LARS1: variants seen among roughly 807,000 people sequenced by gnomAD.
The protein encoded by LARS1 is leucyl-tRNA synthetase 1, also known as leucine--tRNA ligase, cytoplasmic.
Under a neutral mutation model 162.8 loss-of-function variants are expected in LARS1, and 100 were observed. The ratio of observed to expected loss-of-function variants is 0.61; its 90% confidence interval spans 0.52 to 0.73. LARS1 has a LOEUF of 0.73. Ranked by LOEUF, LARS1 falls within the 30% of genes least tolerant of loss-of-function variation. The pLI, the probability that LARS1 is intolerant of heterozygous loss-of-function variation, is 0.00. For missense variants in LARS1, 1,258 were observed against 1,408.9 expected, an observed-to-expected ratio of 0.89 and a Z score of 1.71; for synonymous variants, 457 against 462.8, an observed-to-expected ratio of 0.99 and a Z score of 0.16.
rs1358118954 is a variant in LARS1, at chr5:146,154,021, A to C, written c.1066-41T>G. ...ATCAATATAAAAGGTGAAGTAATTCATTGTGACCATTAGAATTAAAACTAT... is the reference window on the plus strand; with the variant it reads ...ATCAATATAAAAGGTGAAGTAATTCCTTGTGACCATTAGAATTAAAACTAT... On this transcript the variant is annotated intron_variant, in intron 10 of 31. Transcript: ENST00000394434. 6 of 1,327,926 alleles carry C rather than the reference A, an allele frequency of 4.5e-6. No individual in the cohort carries two copies. The Admixed American group carries it at 6.1e-5, about 14-fold the overall frequency. The allele number at this position is 1,327,926 out of a possible 1,614,324, so 82.3% of individuals were successfully genotyped here. A position where few individuals can be genotyped will look rare whatever the true frequency, so the allele number is the denominator to read the frequency against.
At chr5:146,130,204 A>G (rs1299629123) in intron 24 of LARS1, 46 bp from the exon 25 acceptor site, 2 of 1,578,912 alleles carry the variant, frequency 1.3e-6, no homozygotes, top group Admixed American at 3.7e-5. Flanking sequence ...CTTCTTTAAA[A>G]TAAAAATAAA....
intron 22 of LARS1, among the ~76,000 whole-genome samples, chr5:146,133,987 G>A (rs11167934): frequency 0.22 from 33,837 of 152,036 alleles, 4,819 homozygotes; most frequent in Admixed American, 0.34. Flanking sequence ...TGGGATTACA[G>A]GCATGCGCCA....
intron 22 of LARS1, among the ~76,000 whole-genome samples, chr5:146,133,555 A>C (rs566754321): frequency 3.5e-4 from 53 of 152,270 alleles, no homozygotes; most frequent in African/African-American, 1.3e-3. Context: ...CAAGTTTATC[A>C]CTAATAAAAC....
intron 17 of LARS1, 54 bp from the exon 18 acceptor site, chr5:146,144,403 C>A: frequency 5.0e-6 from 8 of 1,594,858 alleles, no homozygotes; most frequent in Non-Finnish European, 6.0e-6. Flanking sequence ...TTTTTTGTTG[C>A]ATTTCAACTT....
intron 21 of LARS1, chr5:146,139,116 G>A (rs180787209): frequency 1.3e-3 from 304 of 231,640 alleles, no homozygotes; most frequent in African/African-American, 6.6e-3. Flanking sequence ...GCTGAGGCAG[G>A]CGATCACTTG....
At chr5:146,133,472 A>C (rs1471692963) in intron 22 of LARS1, among the ~76,000 whole-genome samples, 1 of 152,208 alleles carries the variant, frequency 6.6e-6, no homozygotes, top group Admixed American at 6.5e-5. Flanking sequence ...ATTTTAATAC[A>C]TGAGAATACA....
At chr5:146,114,980 G>A (rs1764135200) in intron 31 of LARS1, among the ~76,000 whole-genome samples, 1 of 149,886 alleles carries the variant, frequency 6.7e-6, no homozygotes, top group Non-Finnish European at 1.5e-5. Context: ...GGAGACAGAG[G>A]TTGCGGTGAG....
Position 146,128,779 on chromosome 5 carries a change from T to G in LARS1, c.2773A>C (p.Thr925Pro). Residue 925 changes from threonine to proline, a missense_variant, in exon 27 of 32, where the codon ACT becomes CCT. Thr to Pro is a conservative substitution (Grantham distance 38). Coordinates refer to ENST00000394434, the MANE Select transcript of LARS1 (RefSeq NM_020117.11). ...NYMMPAKGKK[T>P]DKQPLQKPSH... ...GGCTTCTGCAGGGGTTGTTTGTCAGTCTTCTAGACGGTAAAAGAAAGGAAA... is the reference window on the plus strand; with the variant it reads ...GGCTTCTGCAGGGGTTGTTTGTCAGGCTTCTAGACGGTAAAAGAAAGGAAA... 6.3e-7 allele frequency: 1 copy of G among 1,596,882 alleles called. No homozygotes were observed. Among genetic ancestry groups the G allele is most frequent in the Non-Finnish European group, 8.5e-7 (1 of 1,174,936 alleles).
At chr5:146,168,651 C>T (rs1754127291) in intron 4 of LARS1, among the ~76,000 whole-genome samples, 1 of 151,970 alleles carries the variant, frequency 6.6e-6, no homozygotes, top group Non-Finnish European at 1.5e-5. Flanking sequence ...CATCACTGCA[C>T]TCTAGCCTGG....
At chr5:146,154,638 C>T (rs774361312) in intron 10 of LARS1, among the ~76,000 whole-genome samples, 6 of 151,686 alleles carry the variant, frequency 4.0e-5, no homozygotes, top group South Asian at 2.1e-4. Context: ...ATTAGCCAGG[C>T]GTGGTGGCAT....
intron 2 of LARS1, among the ~76,000 whole-genome samples, chr5:146,176,301 A>G (rs558434787): frequency 2.4e-4 from 36 of 151,914 alleles, no homozygotes; most frequent in African/African-American, 8.4e-4. Flanking sequence ...AAAATACAAA[A>G]ATTAGCTGGG....
At chr5:146,141,843 G>A (rs565347829) in intron 20 of LARS1, among the ~76,000 whole-genome samples, 2 of 151,448 alleles carry the variant, frequency 1.3e-5, no homozygotes, top group Non-Finnish European at 2.9e-5. Flanking sequence ...ATGACAAGTA[G>A]TGTAAGAACC....
rs779799014 is a variant in LARS1 at position 146,128,755 on chromosome 5, G to C, written c.2797C>G (p.Pro933Ala). Residue 933 changes from proline to alanine, a missense_variant, in exon 27 of 32, where the codon CCC becomes GCC. Physicochemically the swap from Pro to Ala is conservative, Grantham distance 27 (BLOSUM62 -1). Transcript: ENST00000394434. ...GCCACATAGATGGTGCAATGTGAGG[G>C]CTTCTGCAGGGGTTGTTTGTCAGTC... ...KKTDKQPLQK[P>A]SHCTIYVAKN... The C allele has an allele frequency of 5.0e-6, 8 of 1,603,094 alleles. No individual in the cohort carries two copies. Among genetic ancestry groups the C allele is most frequent in the Non-Finnish European group, 6.8e-6 (8 of 1,177,128 alleles).
Position 146,127,424 on chromosome 5 carries a change from T to G in LARS1, c.2881-879A>C, listed in dbSNP as rs1191692132. ...TATAAATGAACATTCTTTTCATTCCTGTGGATGAAAACATACAAAAATCTA... is the reference window on the plus strand; with the variant it reads ...TATAAATGAACATTCTTTTCATTCCGGTGGATGAAAACATACAAAAATCTA... On this transcript the variant is annotated intron_variant, in intron 27 of 31. Coordinates refer to ENST00000394434, the MANE Select transcript of LARS1 (RefSeq NM_020117.11). 2.0e-5 allele frequency among the ~76,000 whole-genome samples: 3 copies of G among 152,120 alleles called. No homozygotes were observed. In the East Asian group the frequency reaches 5.8e-4, roughly 29 times the overall value.
At chr5:146,161,706 T>A (rs558707860) in intron 6 of LARS1, among the ~76,000 whole-genome samples, 1 of 150,570 alleles carries the variant, frequency 6.6e-6, no homozygotes, top group South Asian at 2.1e-4. Flanking sequence ...TGAGTCGATA[T>A]CATGCCATTG....
rs1046766534 is a variant in LARS1, at chr5:146,151,885, A to G, written c.1402T>C (p.Tyr468His). Residue 468 changes from tyrosine to histidine, a missense_variant, in exon 14 of 32, where the codon TAT becomes CAT. By Grantham distance (83) the Tyr-to-His change is moderately conservative. Coordinates refer to ENST00000394434, the MANE Select transcript of LARS1 (RefSeq NM_020117.11). ...ACACCCTCATAAAATCCTTTTAGAT[A>G]TATCTTCTCCTTTGCTTCTGCAAGT... ...EKLAEAKEKI[Y>H]LKGFYEGIML... The G allele has an allele frequency of 9.3e-6, 15 of 1,614,012 alleles. No homozygotes were observed. The highest frequency in any genetic ancestry group is 2.2e-5 in the South Asian group (2 of 91,090).
In LARS1 at chr5:146,153,167, T is replaced by C; in HGVS notation, c.1284+7A>G. ...ATGTGAATATTCTGAATTATCTATG[T>C]ACTCACCGGCTCAAATGGCAAGACC... On this transcript the variant is annotated splice_region_variant and intron_variant, in intron 13 of 31. Transcript: ENST00000394434. The C allele has an allele frequency of 1.2e-6, 2 of 1,605,008 alleles. No homozygotes were observed. Among genetic ancestry groups the C allele is most frequent in the Non-Finnish European group, 1.7e-6 (2 of 1,172,036 alleles).
chr5:146,131,210 A>G (rs1752265252), intron 23 of LARS1, 101 bp from the exon 24 acceptor site: 7 of 540,972 alleles, frequency 1.3e-5, no homozygotes, highest in South Asian at 2.8e-5. Context: ...GCTTTTTAAT[A>G]TACAAATTTG....
intron 4 of LARS1, among the ~76,000 whole-genome samples, chr5:146,168,672 A>G (rs912631968): frequency 1.2e-4 from 19 of 152,272 alleles, no homozygotes; most frequent in Middle Eastern, 3.4e-3. Flanking sequence ...GCAACAAAGC[A>G]AGAATGAGTC....
Sources: allele counts gnomAD v4.1 joint callset (sites outside exome capture counted in the v4.1 genomes callset), GRCh38; gene constraint gnomAD v4.1.1; transcripts MANE v1.5; gene names NCBI Gene and HGNC (gene_info 2026-07-23, HGNC 2026-07-21).